The following MGMT variants were observed in gnomAD, a reference collection of about 807,000 sequenced individuals.
MGMT encodes methylated-DNA--protein-cysteine methyltransferase.
In MGMT, 14 loss-of-function variants were observed where a neutral mutation model predicts 15.9. That is an observed-to-expected ratio of 0.88 (90% CI 0.58 to 1.37). The LOEUF (loss-of-function observed/expected upper bound fraction) is 1.37. Ranked by LOEUF, MGMT falls within the 40% of genes most tolerant of loss-of-function variation. The pLI is 0.00. For synonymous variants in MGMT, 130 were observed against 118.2 expected (o/e 1.10, Z -0.65); for missense variants, 282 against 268.1 (o/e 1.05, Z -0.36).
At chr10:129,491,624 C>A (rs564383236) in intron 1 of MGMT, among the ~76,000 whole-genome samples, 75 of 152,084 alleles carry the variant, frequency 4.9e-4, no homozygotes, top group Admixed American at 1.1e-3. Flanking sequence ...TGTTTTCTTT[C>A]CATTCCTTTC....
chr10:129,488,030 CACACACACACAT>C (rs1349825543), intron 1 of MGMT, among the ~76,000 whole-genome samples: 1 of 151,388 alleles, frequency 6.6e-6, no homozygotes, highest in Non-Finnish European at 1.5e-5. Flanking sequence ...CACACACACA[CACACACACACAT>C]GAATATACCT....
At chr10:129,674,043 C>T (rs1847756821) in intron 2 of MGMT, among the ~76,000 whole-genome samples, 1 of 152,094 alleles carries the variant, frequency 6.6e-6, no homozygotes, top group Non-Finnish European at 1.5e-5. Flanking sequence ...AAGGCAGCAC[C>T]CTCATTCCTC....
chr10:129,698,928 G>A (rs1039682222), intron 2 of MGMT, among the ~76,000 whole-genome samples: 2 of 152,198 alleles, frequency 1.3e-5, no homozygotes, highest in African/African-American at 2.4e-5. Flanking sequence ...ATAATGAATT[G>A]TGCTTAAGCC....
At chr10:129,560,606 G>T (rs1432862246) in intron 2 of MGMT, among the ~76,000 whole-genome samples, 1 of 152,138 alleles carries the variant, frequency 6.6e-6, no homozygotes, top group Non-Finnish European at 1.5e-5. Context: ...TGCCTACTGT[G>T]TACACAGAAT....
chr10:129,757,000 G>A (rs970531850), intron 3 of MGMT, among the ~76,000 whole-genome samples: 1 of 152,242 alleles, frequency 6.6e-6, no homozygotes, highest in Non-Finnish European at 1.5e-5. Flanking sequence ...AGGGTTCGAA[G>A]CACTGTGCTC....
chr10:129,493,076 C>T (rs1015504879), intron 1 of MGMT, among the ~76,000 whole-genome samples: 5 of 152,258 alleles, frequency 3.3e-5, no homozygotes, highest in East Asian at 3.9e-4. Flanking sequence ...GTAACTCTTA[C>T]GATGACACGG....
chr10:129,568,841 G>A (rs1846384772), intron 2 of MGMT, among the ~76,000 whole-genome samples: 1 of 152,012 alleles, frequency 6.6e-6, no homozygotes, highest in Non-Finnish European at 1.5e-5. Flanking sequence ...ATTTCTTCCT[G>A]CGCTGCAACA....
intron 2 of MGMT, among the ~76,000 whole-genome samples, chr10:129,620,799 A>C (rs1054605427): frequency 6.6e-6 from 1 of 152,150 alleles, no homozygotes. Context: ...TAATGTACTC[A>C]TCAATAGGTA....
At position 129,766,947 on chromosome 10, in the gene MGMT, C is replaced by T; in HGVS notation, c.574C>T (p.Leu192Phe). ...GGSSGLAGAW[L>F]KGAGATSGSP... ...GAGCTCAGGTCTGGCAGGGGCCTGGCTCAAGGGAGCGGGAGCTACCTCGGG... is the reference window on the plus strand; with the variant it reads ...GAGCTCAGGTCTGGCAGGGGCCTGGTTCAAGGGAGCGGGAGCTACCTCGGG... The change falls in exon 5 of 5, where the codon CTC becomes TTC. Residue 192 changes from leucine to phenylalanine, a missense_variant. By Grantham distance (22) the Leu-to-Phe change is conservative. Transcript: ENST00000651593. 1 of 1,612,532 alleles carries T rather than the reference C, an allele frequency of 6.2e-7. No homozygotes were observed. The highest frequency in any genetic ancestry group is 8.5e-7 in the Non-Finnish European group (1 of 1,179,618).
intron 4 of MGMT, among the ~76,000 whole-genome samples, chr10:129,761,785 C>T (rs935027264): frequency 1.3e-5 from 2 of 152,182 alleles, no homozygotes; most frequent in South Asian, 2.1e-4. Flanking sequence ...CCTCCTGTGC[C>T]GAGGGCAGCC....
At chr10:129,552,566 G>C (rs1026766298) in intron 2 of MGMT, among the ~76,000 whole-genome samples, 2 of 152,222 alleles carry the variant, frequency 1.3e-5, no homozygotes, top group African/African-American at 4.8e-5. Context: ...GTTTGTCCCT[G>C]TACCGGTGTC....
At chr10:129,700,669 C>G (rs11016881) in intron 2 of MGMT, 3 of 152,104 alleles carry the variant, frequency 2.0e-5, no homozygotes, top group African/African-American at 7.2e-5. Flanking sequence ...GTCTGAAATA[C>G]AGAGTCAAAA....
At chr10:129,671,967 T>C (rs1847729772) in intron 2 of MGMT, among the ~76,000 whole-genome samples, 1 of 152,248 alleles carries the variant, frequency 6.6e-6, no homozygotes, top group East Asian at 1.9e-4. Context: ...TATTGAATTA[T>C]TTGTAAATTG....
intron 2 of MGMT, among the ~76,000 whole-genome samples, chr10:129,632,270 T>TTG (rs1847218681): frequency 6.6e-6 from 1 of 152,236 alleles, no homozygotes; most frequent in Non-Finnish European, 1.5e-5. Flanking sequence ...CTGTACCAAA[T>TTG]TGTGCTGTCA....
intron 2 of MGMT, among the ~76,000 whole-genome samples, chr10:129,606,906 G>A (rs576760099): frequency 1.7e-4 from 26 of 152,270 alleles, no homozygotes; most frequent in Non-Finnish European, 2.9e-4. Context: ...ATTTTTGTAG[G>A]AATAATCTAT....
chr10:129,760,468 A>T (rs1848859864), intron 4 of MGMT, among the ~76,000 whole-genome samples: 1 of 152,246 alleles, frequency 6.6e-6, no homozygotes, highest in Non-Finnish European at 1.5e-5. Context: ...ATGGGAAATT[A>T]CTAAATCAGA....
At chr10:129,678,992 G>T (rs182627915) in intron 2 of MGMT, among the ~76,000 whole-genome samples, 23 of 151,584 alleles carry the variant, frequency 1.5e-4, no homozygotes, top group African/African-American at 5.6e-4. Context: ...AGGATCGCTT[G>T]AACCCAGGAG....
At chr10:129,712,238 C>T (rs534760433) in intron 3 of MGMT, among the ~76,000 whole-genome samples, 4 of 152,272 alleles carry the variant, frequency 2.6e-5, no homozygotes, top group Non-Finnish European at 1.5e-5. Flanking sequence ...GGGCTGCCCA[C>T]GCGAGACTGT....
intron 2 of MGMT, among the ~76,000 whole-genome samples, chr10:129,674,536 G>A (rs915897288): frequency 3.9e-5 from 6 of 152,222 alleles, no homozygotes; most frequent in African/African-American, 1.2e-4. Context: ...TTGAGAGCAG[G>A]GCCTTGATGG....
Sources: gnomAD v4.1 joint callset for allele counts (sites outside exome capture counted in the v4.1 genomes callset) on GRCh38, gnomAD v4.1.1 for gene constraint, MANE v1.5 for transcripts, NCBI Gene and HGNC (gene_info 2026-07-23, HGNC 2026-07-21) for gene names.